The following CCDC102B variants were observed in gnomAD, a reference collection of about 807,000 sequenced individuals.
The protein encoded by CCDC102B is coiled-coil domain-containing protein 102B.
In CCDC102B, 75 loss-of-function variants were observed where a neutral mutation model predicts 57.4. That is an observed-to-expected ratio of 1.31 (90% CI 1.08 to 1.58). CCDC102B has a LOEUF of 1.58. CCDC102B is among the 40% of genes most tolerant of loss of function. The probability of loss-of-function intolerance (pLI) is 0.00; values close to 1 mark genes in which losing one functional copy is unlikely to be tolerated. For missense variants in CCDC102B, 636 were observed against 582.6 expected, an observed-to-expected ratio of 1.09 and a Z score of -0.94; for synonymous variants, 206 against 201.9, an observed-to-expected ratio of 1.02 and a Z score of -0.17.
Position 68,956,843 on chromosome 18 carries a change from C to T in CCDC102B, c.1264-54091C>T, listed in dbSNP as rs56273876. 4.0e-3 allele frequency among the ~76,000 whole-genome samples: 609 copies of T among 151,028 alleles called. 9 individuals are homozygous for T. Among genetic ancestry groups the T allele is most frequent in the African/African-American group, 0.014 (568 of 41,108 alleles). On this transcript the variant is annotated intron_variant, in intron 6 of 7. Transcript: ENST00000360242. ...TTTAACTGGAGGTAAGATAATATCT[C>T]GCTGTAATTTTGACTTGCACTTTTG...
Position 69,054,393 on chromosome 18 carries a change from A to G in CCDC102B, c.*256A>G, listed in dbSNP as rs1305877690. 75 of 1,116,810 alleles carry G rather than the reference A, an allele frequency of 6.7e-5. No individual in the cohort carries two copies. Among genetic ancestry groups the G allele is most frequent in the Non-Finnish European group, 7.8e-5 (71 of 915,482 alleles). 69.2% of individuals were successfully genotyped at this position (1,116,810 alleles called of 1,614,324 possible). On this transcript the variant is annotated 3_prime_UTR_variant, in exon 8 of 8. Transcript: ENST00000360242. ...ATGTGTAAATATTTTGAAAGTCAAA[A>G]AGGGCTTTCAGAATACTTTTTACAT... is the stretch of plus-strand genomic sequence containing the variant.
intron 4 of CCDC102B, 77 bp from the exon 5 acceptor site, chr18:68,874,592 A>G: frequency 1.2e-6 from 1 of 841,556 alleles, no homozygotes; most frequent in Non-Finnish European, 1.9e-6. Context: ...CTAAAGCTAA[A>G]TGAAGGACTA....
chr18:68,788,226 G>A (rs2035286600), intron 2 of CCDC102B, among the ~76,000 whole-genome samples: 1 of 152,116 alleles, frequency 6.6e-6, no homozygotes, highest in Admixed American at 6.6e-5. Flanking sequence ...TTTTACATTT[G>A]CTGAGGAGAG....
intron 1 of CCDC102B, among the ~76,000 whole-genome samples, chr18:68,826,858 A>T (rs1235472455): frequency 1.3e-5 from 2 of 152,182 alleles, no homozygotes; most frequent in Non-Finnish European, 2.9e-5. Flanking sequence ...TATAATCTAT[A>T]TTTGAAATTT....
intron 1 of CCDC102B, among the ~76,000 whole-genome samples, chr18:68,716,121 C>CTT (rs142932229): frequency 6.8e-5 from 10 of 147,412 alleles, no homozygotes; most frequent in East Asian, 2.0e-4. Flanking sequence ...TCCTTTTTTT[C>CTT]TTTTTTTTTT....
intron 4 of CCDC102B, among the ~76,000 whole-genome samples, chr18:68,863,544 A>G (rs1045306720): frequency 4.0e-5 from 6 of 151,886 alleles, no homozygotes; most frequent in African/African-American, 1.4e-4. Context: ...TGCCCAAGTT[A>G]TTATTTGGAA....
chr18:68,918,058 G>T (rs1461291096), intron 6 of CCDC102B, among the ~76,000 whole-genome samples: 1 of 152,116 alleles, frequency 6.6e-6, no homozygotes, highest in Non-Finnish European at 1.5e-5. Flanking sequence ...TACATCAGGT[G>T]AGTATGCCAA....
chr18:68,801,994 A>T (rs1429246419), intron 1 of CCDC102B, among the ~76,000 whole-genome samples: 1 of 152,204 alleles, frequency 6.6e-6, no homozygotes, highest in Non-Finnish European at 1.5e-5. Flanking sequence ...CTGGATGAGA[A>T]GAAAATGTAT....
chr18:68,792,053 C>T (rs2035480220), intron 2 of CCDC102B, among the ~76,000 whole-genome samples: 1 of 152,180 alleles, frequency 6.6e-6, no homozygotes, highest in Non-Finnish European at 1.5e-5. Context: ...GTCCACAGTG[C>T]TGAGTTGGAG....
At chr18:68,855,142 G>A (rs1363556992) in intron 4 of CCDC102B, among the ~76,000 whole-genome samples, 4 of 152,134 alleles carry the variant, frequency 2.6e-5, no homozygotes, top group Non-Finnish European at 5.9e-5. Context: ...TGCATAAAAA[G>A]TAAGCAGCAT....
chr18:68,837,315 C>T lies in CCDC102B; in HGVS notation c.552C>T (p.Ile184=), dbSNP rs771088025. ...FQLSSQMHES[I]REYLVKRQFS... The stretch of plus-strand genomic sequence containing the variant: ...TGAGTTCACAAATGCATGAGTCTAT[C>T]AGAGAGTATTTGGTAAAAAGACAAT... Residue 184 remains isoleucine (I), a synonymous_variant, in exon 2 of 8, where the codon ATC becomes ATT. Transcript: ENST00000360242. 2 of 1,612,782 alleles carry T rather than the reference C, an allele frequency of 1.2e-6. No homozygotes were observed. The highest frequency in any genetic ancestry group is 3.3e-5 in the Admixed American group (2 of 59,832).
chr18:68,785,513 T>C (rs376686714), intron 2 of CCDC102B, among the ~76,000 whole-genome samples: 1 of 151,582 alleles, frequency 6.6e-6, no homozygotes, highest in African/African-American at 2.4e-5. Flanking sequence ...TTTTAATGAT[T>C]GCCATTCTAA....
intron 2 of CCDC102B, among the ~76,000 whole-genome samples, chr18:68,746,855 G>A (rs1183493552): frequency 1.3e-5 from 2 of 151,718 alleles, no homozygotes; most frequent in South Asian, 4.2e-4. Flanking sequence ...TCATTACCAC[G>A]ATCAAGGTAA....
chr18:69,038,574 T>C (rs2052353722), intron 7 of CCDC102B, among the ~76,000 whole-genome samples: 1 of 151,896 alleles, frequency 6.6e-6, no homozygotes, highest in Non-Finnish European at 1.5e-5. Context: ...AAGATAAAAA[T>C]GTAAAGCACC....
At chr18:68,848,025 G>T (rs867516858) in intron 4 of CCDC102B, among the ~76,000 whole-genome samples, 1 of 151,348 alleles carries the variant, frequency 6.6e-6, no homozygotes, top group African/African-American at 2.4e-5. Context: ...ATAAAATAAG[G>T]TGAAATTTTT....
intron 2 of CCDC102B, among the ~76,000 whole-genome samples, chr18:68,776,952 G>T (rs779630288): frequency 6.6e-6 from 1 of 151,786 alleles, no homozygotes; most frequent in South Asian, 2.1e-4. Flanking sequence ...ATCCTTTGTG[G>T]TACTTATATA....
At chr18:68,869,509 A>G (rs1470864784) in intron 4 of CCDC102B, among the ~76,000 whole-genome samples, 1 of 152,238 alleles carries the variant, frequency 6.6e-6, no homozygotes, top group Non-Finnish European at 1.5e-5. Flanking sequence ...CAGCTCTTTC[A>G]AGGCACTTGA....
intron 4 of CCDC102B, among the ~76,000 whole-genome samples, chr18:68,854,025 G>A (rs756140167): frequency 2.0e-5 from 3 of 151,930 alleles, no homozygotes; most frequent in East Asian, 1.9e-4. Flanking sequence ...AAATGGTTCC[G>A]TTCAAAAATG....
chr18:68,858,411 C>T (rs886583619), intron 4 of CCDC102B, among the ~76,000 whole-genome samples: 1 of 152,046 alleles, frequency 6.6e-6, no homozygotes, highest in Admixed American at 6.5e-5. Context: ...TGTTGAAATT[C>T]TTGGATCTCT....
Sources: allele counts gnomAD v4.1 joint callset (sites outside exome capture counted in the v4.1 genomes callset), GRCh38; gene constraint gnomAD v4.1.1; transcripts MANE v1.5; gene names NCBI Gene and HGNC (gene_info 2026-07-23, HGNC 2026-07-21).